NPNT: variants seen among roughly 807,000 people sequenced by gnomAD.
NPNT encodes preosteoblast EGF-like repeat protein with MAM domain.
In NPNT, 45 loss-of-function variants were observed where a neutral mutation model predicts 68.6. The ratio of observed to expected loss-of-function variants is 0.66; its 90% confidence interval spans 0.52 to 0.84. NPNT has a LOEUF of 0.84. Ranked by LOEUF, NPNT falls within the 40% of genes least tolerant of loss-of-function variation. The probability of loss-of-function intolerance (pLI) is 0.00; values close to 1 mark genes in which losing one functional copy is unlikely to be tolerated. For synonymous variants in NPNT, 233 were observed against 253.3 expected (o/e 0.92, Z 0.76); for missense variants, 672 against 714.8 (o/e 0.94, Z 0.68).
At chr4:105,898,118 C>G in intron 2 of NPNT, 117 bp downstream of exon 2, 3 of 662,462 alleles carry the variant, frequency 4.5e-6, no homozygotes, top group Non-Finnish European at 7.7e-6. Context: ...CCTTGCAGGT[C>G]TGACTTGGGG....
intron 2 of NPNT, chr4:105,926,917 G>A (rs1728724319): frequency 6.6e-6 from 1 of 152,320 alleles, no homozygotes; most frequent in Non-Finnish European, 1.5e-5. Flanking sequence ...TGTTTAGTTA[G>A]AAATTTATCT....
chr4:105,967,282 C>CCTGTGCCTGAA lies in NPNT; in HGVS notation c.1449_1450insAACTGTGCCTG (p.Ser484AsnfsTer10), dbSNP rs1732233420. On this transcript the variant is annotated frameshift_variant, in exon 11 of 12. Transcript: ENST00000379987. LOFTEE classifies it high-confidence loss of function. ...TCGGCCGCCTCATGCATTCAGGGGA[C>CCTGTGCCTGAA]CTGTGCCTGTCATTCAGGCACAAGG... The CCTGTGCCTGAA allele has an allele frequency of 6.2e-7, 1 of 1,613,868 alleles. No homozygotes were observed. Among genetic ancestry groups the CCTGTGCCTGAA allele is most frequent in the Admixed American group, 1.7e-5 (1 of 59,996 alleles).
chr4:105,903,608 AGTTTTTGGTAT>A (rs1051632963), intron 2 of NPNT, among the ~76,000 whole-genome samples: 8 of 152,180 alleles, frequency 5.3e-5, no homozygotes, highest in Non-Finnish European at 1.5e-5. Flanking sequence ...AAGCATGATT[AGTTTTTGGTAT>A]ACTTTAAAAA....
chr4:105,900,167 C>T (rs1230230107), intron 2 of NPNT, among the ~76,000 whole-genome samples: 2 of 152,190 alleles, frequency 1.3e-5, no homozygotes, highest in Non-Finnish European at 2.9e-5. Context: ...TAGTTCTTTC[C>T]CATAAGGAAG....
chr4:105,947,100 AT>A (rs1730449461), intron 8 of NPNT, among the ~76,000 whole-genome samples: 1 of 152,212 alleles, frequency 6.6e-6, no homozygotes, highest in Non-Finnish European at 1.5e-5. Flanking sequence ...ATTTAGCAAT[AT>A]TATCCTACTT....
chr4:105,904,753 G>A (rs760753433), intron 2 of NPNT, among the ~76,000 whole-genome samples: 2 of 152,004 alleles, frequency 1.3e-5, no homozygotes, highest in East Asian at 3.9e-4. Context: ...CAGGATCTCG[G>A]CTCACTGCAA....
intron 10 of NPNT, among the ~76,000 whole-genome samples, chr4:105,964,932 C>T (rs767027253): frequency 3.3e-5 from 5 of 152,184 alleles, no homozygotes; most frequent in Non-Finnish European, 5.9e-5. Context: ...CAACTTACAA[C>T]ACTGCAAATA....
At chr4:105,908,587 G>A (rs917352802) in intron 2 of NPNT, among the ~76,000 whole-genome samples, 8 of 148,330 alleles carry the variant, frequency 5.4e-5, no homozygotes, top group Admixed American at 1.3e-4. Flanking sequence ...TTTTTGAGAC[G>A]GAGTCTTCCT....
In NPNT at chr4:105,895,576, C is replaced by G. The variant is rs1019481963; in HGVS notation, c.-77C>G. 3.3e-6 allele frequency: 4 copies of G among 1,195,382 alleles called. No homozygotes were observed. The East Asian group carries it at 1.0e-4, about 31-fold the overall frequency. 74.0% of individuals were successfully genotyped at this position (1,195,382 alleles called of 1,614,324 possible). The stretch of plus-strand genomic sequence containing the variant: ...GGGTTCCTCGAGACTCTCAGAGGGG[C>G]GCCTCCCATCGGCGCCCACCACCCC... On this transcript the variant is annotated 5_prime_UTR_variant, in exon 1 of 12. Coordinates refer to ENST00000379987, the MANE Select transcript of NPNT (RefSeq NM_001033047.3).
chr4:105,899,530 T>C (rs1232173727), intron 2 of NPNT, among the ~76,000 whole-genome samples: 1 of 152,194 alleles, frequency 6.6e-6, no homozygotes, highest in Non-Finnish European at 1.5e-5. Context: ...TACTGGAAAC[T>C]GGAGTTACCA....
intron 2 of NPNT, among the ~76,000 whole-genome samples, chr4:105,915,683 C>T (rs1727755132): frequency 6.6e-6 from 1 of 152,132 alleles, no homozygotes; most frequent in African/African-American, 2.4e-5. Context: ...AGCTAGAGAA[C>T]ACAGGAGAAG....
chr4:105,938,509 CA>C (rs1290800978), intron 5 of NPNT, 89 bp downstream of exon 5: 6 of 1,277,658 alleles, frequency 4.7e-6, no homozygotes, highest in Non-Finnish European at 6.5e-6. Flanking sequence ...AAAAAAAAGG[CA>C]ATTACTTACA....
At chr4:105,963,370 T>C (rs902925400) in intron 10 of NPNT, among the ~76,000 whole-genome samples, 1 of 152,228 alleles carries the variant, frequency 6.6e-6, no homozygotes, top group Non-Finnish European at 1.5e-5. Context: ...GCAGTTCTAA[T>C]CCAAGATCCA....
chr4:105,942,114 T>C (rs1730009356), intron 7 of NPNT, among the ~76,000 whole-genome samples, 193 bp from the exon 8 acceptor site: 1 of 139,684 alleles, frequency 7.2e-6, no homozygotes, highest in Non-Finnish European at 1.6e-5. Flanking sequence ...TCTGTGTGTG[T>C]GTATATATAT....
intron 10 of NPNT, among the ~76,000 whole-genome samples, chr4:105,965,224 T>C (rs373792507): frequency 6.6e-6 from 1 of 152,200 alleles, no homozygotes. Context: ...TAATTGTACA[T>C]TTATCACCAG....
chr4:105,913,048 G>A (rs1180495354), intron 2 of NPNT, among the ~76,000 whole-genome samples: 1 of 152,052 alleles, frequency 6.6e-6, no homozygotes, highest in South Asian at 2.1e-4. Context: ...TTTATTTTTA[G>A]TAGAGATGGG....
chr4:105,915,392 G>A (rs1727727572), intron 2 of NPNT, among the ~76,000 whole-genome samples: 1 of 152,150 alleles, frequency 6.6e-6, no homozygotes, highest in Non-Finnish European at 1.5e-5. Context: ...GGGGGCACAT[G>A]GGCTTGGCAG....
Position 105,971,152 on chromosome 4 carries a change from G to A in NPNT, c.*2162G>A, listed in dbSNP as rs772549269. ...AACACAGTTCAGAGAGATTTTCATC[G>A]GGTGCATTCTCTCTGCTTCGTGTGT... On this transcript the variant is annotated 3_prime_UTR_variant, in exon 12 of 12. Coordinates refer to ENST00000379987, the MANE Select transcript of NPNT (RefSeq NM_001033047.3). 7.7e-5 allele frequency: 35 copies of A among 454,936 alleles called. No individual in the cohort carries two copies. Among genetic ancestry groups the A allele is most frequent in the Admixed American group, 4.2e-4 (18 of 42,466 alleles). The allele number at this position is 454,936 out of a possible 1,614,324, so 28.2% of individuals were successfully genotyped here.
In NPNT at chr4:105,968,967, G is replaced by A; in HGVS notation, c.1675G>A (p.Gly559Ser). 2 of 1,610,866 alleles carry A rather than the reference G, an allele frequency of 1.2e-6. No individual in the cohort carries two copies. The highest frequency in any genetic ancestry group is 1.7e-4 in the Middle Eastern group (1 of 6,054). Residue 559 changes from glycine (G) to serine (S), a missense_variant, in exon 12 of 12, where the codon GGC becomes AGC. Transcript: ENST00000379987. The part of the protein sequence containing the change: ...IGLDDVSLKK[G>S]HCSEER ...ATTAGATGATGTGAGCTTGAAAAAA[G>A]GCCACTGCTCTGAAGAACGCTAACA...
Sources: allele counts gnomAD v4.1 joint callset (sites outside exome capture counted in the v4.1 genomes callset), GRCh38; gene constraint gnomAD v4.1.1; transcripts MANE v1.5; gene names NCBI Gene and HGNC (gene_info 2026-07-23, HGNC 2026-07-21).